TMEM170B: variants seen among roughly 807,000 people sequenced by gnomAD.
The protein encoded by TMEM170B is transmembrane protein 170B.
A neutral mutation model predicts 13.0 loss-of-function variants in TMEM170B; 6 were observed. The observed-to-expected ratio is 0.46, with a 90% CI of 0.25 to 0.91. TMEM170B has a LOEUF of 0.91. Ranked by LOEUF, TMEM170B falls within the 40% of genes least tolerant of loss-of-function variation. The probability of loss-of-function intolerance (pLI) is 0.17; values close to 1 mark genes in which losing one functional copy is unlikely to be tolerated. For synonymous variants in TMEM170B, 61 were observed against 64.9 expected, an observed-to-expected ratio of 0.94 and a Z score of 0.29; for missense variants, 138 against 165.2, an observed-to-expected ratio of 0.84 and a Z score of 0.90.
chr6:11,541,929 CA>C (rs1405527240), intron 1 of TMEM170B, among the ~76,000 whole-genome samples: 1 of 152,076 alleles, frequency 6.6e-6, no homozygotes, highest in African/African-American at 2.4e-5. Flanking sequence ...TGAGAACACA[CA>C]AGATTTATCG....
At position 11,575,673 on chromosome 6, in the gene TMEM170B, G is replaced by C; in HGVS notation, c.*112G>C. 1 of 1,355,322 alleles carries C rather than the reference G, an allele frequency of 7.4e-7. No individual in the cohort carries two copies. Among genetic ancestry groups the C allele is most frequent in the Non-Finnish European group, 1.0e-6 (1 of 972,528 alleles). 84.0% of individuals were successfully genotyped at this position (1,355,322 alleles called of 1,614,324 possible). ...TTGTGCAAGAATGTGGACTGAGCAG[G>C]TCAAAGCATAAGGAAGACCTTGAGC... is the stretch of plus-strand genomic sequence containing the variant. On this transcript the variant is annotated 3_prime_UTR_variant, in exon 3 of 3. Transcript: ENST00000379426. This position sits in a 1 kb window ranked among gnomAD's most constrained non-coding sequence, Gnocchi z 4.1.
intron 2 of TMEM170B, among the ~76,000 whole-genome samples, chr6:11,569,716 T>A (rs1238617255): frequency 6.6e-6 from 1 of 152,046 alleles, no homozygotes; most frequent in African/African-American, 2.4e-5. Flanking sequence ...ATTCTATGTG[T>A]TTTTTTCCCC....
Position 11,578,632 on chromosome 6 carries a change from C to G in TMEM170B, c.*3071C>G, listed in dbSNP as rs1759910227. 6.6e-6 allele frequency: 1 copy of G among 152,138 alleles called. No individual in the cohort carries two copies. Among genetic ancestry groups the G allele is most frequent in the African/African-American group, 2.4e-5 (1 of 41,436 alleles). 9.4% of individuals were successfully genotyped at this position (152,138 alleles called of 1,614,324 possible). ...TGAAGTCCTAAATGATGGCTATCTT[C>G]AGGGCCTGGAGCAGAATTATTCTTT... On this transcript the variant is annotated 3_prime_UTR_variant, in exon 3 of 3. Transcript: ENST00000379426.
intron 1 of TMEM170B, among the ~76,000 whole-genome samples, chr6:11,539,094 A>G (rs761787117): frequency 3.3e-5 from 5 of 152,206 alleles, no homozygotes; most frequent in African/African-American, 1.2e-4. Flanking sequence ...ATCAATTTCT[A>G]TTTGTAAAAG....
intron 1 of TMEM170B, among the ~76,000 whole-genome samples, chr6:11,559,245 G>GT (rs1199644143): frequency 6.6e-6 from 1 of 150,950 alleles, no homozygotes; most frequent in Non-Finnish European, 1.5e-5. Context: ...CCAGGCTGGG[G>GT]TGTGGTAGCA....
At chr6:11,548,657 AGACTTG>A (rs1253183129) in intron 1 of TMEM170B, among the ~76,000 whole-genome samples, 2 of 152,212 alleles carry the variant, frequency 1.3e-5, no homozygotes, top group Non-Finnish European at 2.9e-5. Context: ...ATAATAGCAA[AGACTTG>A]GAACCAACCC....
chr6:11,547,308 G>A (rs569826949), intron 1 of TMEM170B, among the ~76,000 whole-genome samples: 2 of 152,190 alleles, frequency 1.3e-5, no homozygotes, highest in African/African-American at 2.4e-5. Flanking sequence ...CTTCAATAGC[G>A]TTCCCAAGAA....
At chr6:11,545,387 G>A (rs985410361) in intron 1 of TMEM170B, among the ~76,000 whole-genome samples, 1 of 151,666 alleles carries the variant, frequency 6.6e-6, no homozygotes, top group Non-Finnish European at 1.5e-5. Flanking sequence ...CCCCCAGTGG[G>A]TGCCTGAAAC....
At chr6:11,541,274 T>G (rs1464402160) in intron 1 of TMEM170B, among the ~76,000 whole-genome samples, 2 of 152,240 alleles carry the variant, frequency 1.3e-5, no homozygotes, top group Non-Finnish European at 2.9e-5. Flanking sequence ...TAAGGCTGTT[T>G]AATCTACATG....
At chr6:11,542,599 A>C (rs566634757) in intron 1 of TMEM170B, among the ~76,000 whole-genome samples, 1 of 152,334 alleles carries the variant, frequency 6.6e-6, no homozygotes, top group South Asian at 2.1e-4. Context: ...AACAGATTAG[A>C]AATATGTTTC....
chr6:11,570,611 C>G (rs960292630), intron 2 of TMEM170B, among the ~76,000 whole-genome samples: 1 of 151,846 alleles, frequency 6.6e-6, no homozygotes, highest in South Asian at 2.1e-4. Context: ...TATTAAAAAC[C>G]CTTCTTCCAA....
intron 1 of TMEM170B, among the ~76,000 whole-genome samples, chr6:11,549,139 T>C (rs1161881864): frequency 1.3e-5 from 2 of 152,318 alleles, no homozygotes; most frequent in African/African-American, 2.4e-5. Context: ...TTGAACTTAT[T>C]GTAGTATCAG....
intron 1 of TMEM170B, among the ~76,000 whole-genome samples, chr6:11,545,533 C>T (rs554671): frequency 0.21 from 32,032 of 151,792 alleles, 4,071 homozygotes; most frequent in South Asian, 0.45. Flanking sequence ...AGATCATGGC[C>T]GTCCTAATGT....
chr6:11,550,536 C>T (rs906391383), intron 1 of TMEM170B, among the ~76,000 whole-genome samples: 4 of 151,654 alleles, frequency 2.6e-5, no homozygotes, highest in Admixed American at 6.6e-5. Flanking sequence ...TATAAAAAAA[C>T]GTATACCCAG....
chr6:11,562,387 C>T (rs1759677775), intron 1 of TMEM170B, among the ~76,000 whole-genome samples: 2 of 149,610 alleles, frequency 1.3e-5, no homozygotes, highest in South Asian at 2.2e-4. Context: ...TCTATATTTC[C>T]GTAATCACTA....
chr6:11,572,831 A>G (rs947899237), intron 2 of TMEM170B, among the ~76,000 whole-genome samples: 1 of 152,128 alleles, frequency 6.6e-6, no homozygotes, highest in African/African-American at 2.4e-5. Context: ...GTATGTATGT[A>G]CTAGTAGAGA....
At chr6:11,551,344 C>G (rs527929300) in intron 1 of TMEM170B, among the ~76,000 whole-genome samples, 2 of 152,260 alleles carry the variant, frequency 1.3e-5, no homozygotes, top group East Asian at 3.9e-4. Flanking sequence ...CAGACCAGCT[C>G]TGGAACATTG....
At chr6:11,559,971 A>C (rs1292736846) in intron 1 of TMEM170B, among the ~76,000 whole-genome samples, 7 of 151,864 alleles carry the variant, frequency 4.6e-5, no homozygotes, top group Admixed American at 4.6e-4. Flanking sequence ...GGATTAAAAA[A>C]ATAGTCTAAT....
rs1344030957 is a variant in TMEM170B, at chr6:11,575,904, T to C, written c.*343T>C. Reference sequence around the variant, plus strand: ...TAAGTTACAGGGACGTTTTGAGGTATTGATATATGTGCCAAACTCTTTTCT... The same window carrying C: ...TAAGTTACAGGGACGTTTTGAGGTACTGATATATGTGCCAAACTCTTTTCT... On this transcript the variant is annotated 3_prime_UTR_variant, in exon 3 of 3. Transcript: ENST00000379426. This position sits in a 1 kb window ranked among gnomAD's most constrained non-coding sequence, Gnocchi z 4.1. 1.2e-5 allele frequency: 2 copies of C among 168,764 alleles called. No individual in the cohort carries two copies. Among genetic ancestry groups the C allele is most frequent in the Non-Finnish European group, 2.6e-5 (2 of 78,388 alleles). 10.5% of individuals were successfully genotyped at this position (168,764 alleles called of 1,614,324 possible). A position where few individuals can be genotyped will look rare whatever the true frequency, so the allele number is the denominator to read the frequency against.
Sources: allele counts gnomAD v4.1 joint callset (sites outside exome capture counted in the v4.1 genomes callset), GRCh38; gene constraint gnomAD v4.1.1; non-coding constraint Gnocchi (gnomAD v3.1); transcripts MANE v1.5; gene names NCBI Gene and HGNC (gene_info 2026-07-23, HGNC 2026-07-21).